SORCS1: variants seen among roughly 807,000 people sequenced by gnomAD.
SORCS1 encodes VPS10 domain-containing receptor SorCS1.
In SORCS1, 60 loss-of-function variants were observed where a neutral mutation model predicts 146.1. The observed-to-expected ratio is 0.41, with a 90% CI of 0.33 to 0.51. The LOEUF (loss-of-function observed/expected upper bound fraction) is 0.51, where lower values mean the gene tolerates loss of function less well. Ranked by LOEUF, SORCS1 falls within the 20% of genes least tolerant of loss-of-function variation. The probability of loss-of-function intolerance (pLI) is 0.21; values close to 1 mark genes in which losing one functional copy is unlikely to be tolerated. For synonymous variants in SORCS1, 637 were observed against 584.0 expected, an observed-to-expected ratio of 1.09 and a Z score of -1.31; for missense variants, 1,352 against 1,487.6, an observed-to-expected ratio of 0.91 and a Z score of 1.50.
At chr10:106,813,779 AT>A (rs1947598125) in intron 3 of SORCS1, among the ~76,000 whole-genome samples, 1 of 152,210 alleles carries the variant, frequency 6.6e-6, no homozygotes, top group East Asian at 1.9e-4. Context: ...TACAAAAAAA[AT>A]GTTTTTAAAT....
rs779366731 is a variant in SORCS1, at chr10:106,814,914, C to CAAAAA, written c.726+14655_726+14659dup. Among the ~76,000 whole-genome samples, 193 of 66,034 alleles carry CAAAAA rather than the reference C, an allele frequency of 2.9e-3. 7 individuals are homozygous for CAAAAA. The highest frequency in any genetic ancestry group is 0.012 in the African/African-American group (182 of 15,624). The allele number at this position is 66,034 out of a possible 152,430, so 43.3% of individuals were successfully genotyped here. On this transcript the variant is annotated intron_variant, in intron 3 of 25. Transcript: ENST00000263054. ...TGGGCGACAGAGCGAGACTCCATCT[C>CAAAAA]AAAAAAAAAAAAAAAAAAAAAGGTG...
chr10:107,004,077 GA>G (rs1194289022), intron 1 of SORCS1, among the ~76,000 whole-genome samples: 1 of 150,414 alleles, frequency 6.6e-6, no homozygotes, highest in Non-Finnish European at 1.5e-5. Context: ...TTGGAAGGCT[GA>G]GGCAGGAGAA....
At chr10:106,844,010 C>A (rs373140867) in intron 2 of SORCS1, among the ~76,000 whole-genome samples, 1 of 152,190 alleles carries the variant, frequency 6.6e-6, no homozygotes, top group Non-Finnish European at 1.5e-5. Context: ...TACACTCCCA[C>A]CACAAGTGTA....
intron 1 of SORCS1, among the ~76,000 whole-genome samples, chr10:107,004,381 G>T (rs12251340): frequency 0.085 from 12,963 of 152,060 alleles, 1,827 homozygotes; most frequent in African/African-American, 0.29. Flanking sequence ...GTGGTCAGTG[G>T]ACTCACAGTT....
At chr10:106,905,120 G>A (rs1245419001) in intron 2 of SORCS1, among the ~76,000 whole-genome samples, 1 of 151,796 alleles carries the variant, frequency 6.6e-6, no homozygotes, top group Non-Finnish European at 1.5e-5. Context: ...AATAGCAGGA[G>A]GAAGCAAATA....
chr10:106,590,348 T>A (rs960443323), intron 24 of SORCS1, among the ~76,000 whole-genome samples: 1 of 152,168 alleles, frequency 6.6e-6, no homozygotes, highest in African/African-American at 2.4e-5. Flanking sequence ...CAGCTCAGTG[T>A]GAGTGAGGGC....
intron 1 of SORCS1, among the ~76,000 whole-genome samples, chr10:107,025,591 A>C (rs571885536): frequency 7.2e-5 from 11 of 152,372 alleles, no homozygotes; most frequent in African/African-American, 1.9e-4. Flanking sequence ...ACAAGCCCCA[A>C]AACAAAATAA....
chr10:106,656,754 G>A (rs1287073980), intron 17 of SORCS1, among the ~76,000 whole-genome samples: 1 of 151,890 alleles, frequency 6.6e-6, no homozygotes, highest in Non-Finnish European at 1.5e-5. Context: ...TAGCTTAGTA[G>A]ATCTCAACCC....
chr10:106,916,048 C>T (rs1169601298), intron 2 of SORCS1, among the ~76,000 whole-genome samples: 4 of 152,220 alleles, frequency 2.6e-5, no homozygotes, highest in African/African-American at 4.8e-5. Flanking sequence ...CTACACACCT[C>T]TTGCTCATCA....
intron 2 of SORCS1, among the ~76,000 whole-genome samples, chr10:106,847,932 G>C (rs1368358856): frequency 6.6e-6 from 1 of 150,902 alleles, no homozygotes; most frequent in Non-Finnish European, 1.5e-5. Flanking sequence ...TAGTTTGCTT[G>C]CACTGTGGTC....
chr10:106,619,966 T>G (rs1018295028), intron 20 of SORCS1, among the ~76,000 whole-genome samples: 6 of 152,168 alleles, frequency 3.9e-5, no homozygotes, highest in African/African-American at 1.4e-4. Context: ...TCCAGTTGCA[T>G]CCAGTTGCTT....
intron 2 of SORCS1, among the ~76,000 whole-genome samples, chr10:106,899,967 C>A (rs1951640714): frequency 6.6e-6 from 1 of 151,882 alleles, no homozygotes; most frequent in Admixed American, 6.6e-5. Context: ...CATACACACA[C>A]ACATATTTTT....
rs201969127 is a variant in SORCS1 at position 106,579,098 on chromosome 10, C to G, written c.3371+271G>C. 7 of 1,613,800 alleles carry G rather than the reference C, an allele frequency of 4.3e-6. No homozygotes were observed. The Admixed American group carries it at 1.2e-4, about 27-fold the overall frequency. ...CTACTGGGAATCATTTACCTATGAG[C>G]TGGGATTCCACCTTCTCATCTATAA... is the stretch of plus-strand genomic sequence containing the variant. On this transcript the variant is annotated intron_variant, in intron 25 of 25. Coordinates refer to ENST00000263054, the MANE Select transcript of SORCS1 (RefSeq NM_052918.5).
rs559766261 is a variant in SORCS1 at position 107,119,903 on chromosome 10, T to C, written c.558+44066A>G. ...AATGAAGGAGGCCTGAGAGTCTCTA[T>C]CTATGGAACTATCCGTTTACAGCCA... On this transcript the variant is annotated intron_variant, in intron 1 of 25. Coordinates refer to ENST00000263054, the MANE Select transcript of SORCS1 (RefSeq NM_052918.5). Among the ~76,000 whole-genome samples the C allele has an allele frequency of 5.1e-4, 78 of 152,258 alleles. 1 individual carries two copies. The highest frequency in any genetic ancestry group is 1.2e-3 in the South Asian group (6 of 4,830).
intron 5 of SORCS1, among the ~76,000 whole-genome samples, chr10:106,753,705 C>T (rs1222765703): frequency 6.6e-6 from 1 of 150,854 alleles, no homozygotes; most frequent in Non-Finnish European, 1.5e-5. Context: ...AAAGTCACTT[C>T]AAGGACTAGC....
intron 2 of SORCS1, among the ~76,000 whole-genome samples, chr10:106,948,449 G>A (rs1016432330): frequency 6.6e-6 from 1 of 151,972 alleles, no homozygotes; most frequent in Non-Finnish European, 1.5e-5. Context: ...GAGTTAAGGG[G>A]ACTGCTTGAA....
At chr10:106,673,642 G>C (rs1488765808) in intron 14 of SORCS1, among the ~76,000 whole-genome samples, 1 of 152,134 alleles carries the variant, frequency 6.6e-6, no homozygotes, top group Non-Finnish European at 1.5e-5. Context: ...TATTCTATGT[G>C]GTCCAAGATT....
intron 1 of SORCS1, among the ~76,000 whole-genome samples, chr10:107,087,941 C>T (rs145978219): frequency 0.043 from 6,615 of 152,148 alleles, 209 homozygotes; most frequent in Non-Finnish European, 0.07. Flanking sequence ...TATTTTGAGA[C>T]GGAGTCTCGC....
At position 107,026,684 on chromosome 10, in the gene SORCS1, G is replaced by T. The variant is rs1958421417; in HGVS notation, c.559-70104C>A. Among the ~76,000 whole-genome samples, 5 of 151,992 alleles carry T rather than the reference G, an allele frequency of 3.3e-5. No individual in the cohort carries two copies. In the South Asian group the frequency reaches 8.3e-4, roughly 25 times the overall value. ...ACGCAGAGAAAGAGAGAAGAAAAAA[G>T]ATAAAAGAGGAGAGCAAGTGTCATG... On this transcript the variant is annotated intron_variant, in intron 1 of 25. Transcript: ENST00000263054.
Sources: gnomAD v4.1 joint callset for allele counts (sites outside exome capture counted in the v4.1 genomes callset) on GRCh38, gnomAD v4.1.1 for gene constraint, MANE v1.5 for transcripts, NCBI Gene and HGNC (gene_info 2026-07-23, HGNC 2026-07-21) for gene names.